The following C13orf46 variants were observed in gnomAD, a reference collection of about 807,000 sequenced individuals.
The protein encoded by C13orf46 is uncharacterized protein C13orf46.
the C13orf46 span, among the ~76,000 whole-genome samples, chr13:113,939,412 C>T: frequency 1.1e-4 from 16 of 151,216 alleles, no homozygotes; most frequent in East Asian, 1.9e-4. Flanking sequence ...ATGGGGAGGA[C>T]GCAGACCACC....
rs1013247004 is a variant in C13orf46 at position 113,962,219 on chromosome 13, C to T, written c.572+2708G>A. ...GAGATCGAGACCATCCTGGCTAACA[C>T]GGCGAAACCCTGGCTCTACTAAAAA... is the stretch of plus-strand genomic sequence containing the variant. On this transcript the variant is annotated intron_variant, in intron 6 of 6. Transcript: ENST00000636427. 2.3e-3 allele frequency among the ~76,000 whole-genome samples: 347 copies of T among 152,200 alleles called. 2 individuals are homozygous for T. Among genetic ancestry groups the T allele is most frequent in the African/African-American group, 7.6e-3 (315 of 41,532 alleles).
chr13:113,930,964 G>A, the C13orf46 span, among the ~76,000 whole-genome samples: 1 of 152,244 alleles, frequency 6.6e-6, no homozygotes, highest in African/African-American at 2.4e-5. Context: ...GGCCTCCACA[G>A]AAAGCCCGTG....
chr13:113,943,053 C>T, the C13orf46 span, among the ~76,000 whole-genome samples: 4 of 152,214 alleles, frequency 2.6e-5, no homozygotes, highest in Admixed American at 6.5e-5. Context: ...CACTGAGGCT[C>T]GGCTCCATTT....
chr13:113,942,816 G>A, the C13orf46 span, among the ~76,000 whole-genome samples: 1 of 152,224 alleles, frequency 6.6e-6, no homozygotes, highest in Non-Finnish European at 1.5e-5. Flanking sequence ...CCTTGAGGAT[G>A]GGACACAGGT....
chr13:113,954,239 C>T lies in C13orf46; in HGVS notation c.*2534G>A, dbSNP rs2052502722. 1 of 152,306 alleles carries T rather than the reference C, an allele frequency of 6.6e-6. No individual in the cohort carries two copies. The highest frequency in any genetic ancestry group is 2.1e-4 in the South Asian group (1 of 4,838). 9.4% of individuals were successfully genotyped at this position (152,306 alleles called of 1,614,324 possible). A position where few individuals can be genotyped will look rare whatever the true frequency, so the allele number is the denominator to read the frequency against. ...CACACAGCATCTCCGCCTGTGGCCT[C>T]TGACTGCCTTAGAGACACCCGGATC... is the stretch of plus-strand genomic sequence containing the variant. On this transcript the variant is annotated 3_prime_UTR_variant, in exon 7 of 7. Transcript: ENST00000636427.
the C13orf46 span, among the ~76,000 whole-genome samples, chr13:113,937,234 G>C: frequency 8.5e-5 from 13 of 152,122 alleles, no homozygotes; most frequent in Admixed American, 2.6e-4. Context: ...TGGCATCCCC[G>C]GTCCGAGGCT....
chr13:113,970,770 T>A (rs955860802), intron 1 of C13orf46, among the ~76,000 whole-genome samples: 2 of 152,182 alleles, frequency 1.3e-5, no homozygotes, highest in African/African-American at 2.4e-5. Context: ...GCAGTCTTTT[T>A]TCGGGACCAC....
the C13orf46 span, among the ~76,000 whole-genome samples, chr13:113,938,222 T>C: frequency 2.6e-5 from 4 of 152,216 alleles, no homozygotes; most frequent in African/African-American, 9.6e-5. Context: ...AAAAGTGCTT[T>C]TCTTTTCTCA....
At chr13:113,931,012 G>T in the C13orf46 span, among the ~76,000 whole-genome samples, 2 of 152,188 alleles carry the variant, frequency 1.3e-5, no homozygotes, top group Non-Finnish European at 2.9e-5. Context: ...ACTGAGGGTC[G>T]CTGGGTAGAT....
Position 113,956,810 on chromosome 13 carries a change from G to C in C13orf46, c.602C>G (p.Pro201Arg), listed in dbSNP as rs1264944335. Residue 201 changes from proline to arginine, a missense_variant, in exon 7 of 7, where the codon CCG becomes CGG. Physicochemically the swap from Pro to Arg is moderately radical, Grantham distance 103. Coordinates refer to ENST00000636427, the MANE Select transcript of C13orf46 (RefSeq NM_001365455.2). ...CTTTGCCCTCTTCCTGGTGGAGTAC[G>C]GGATGCAGCACACCCAGCTGGTCTG... ...EMQTSWVCCIPYSTRKRAKES... is the reference protein window; with the variant it reads ...EMQTSWVCCIRYSTRKRAKES... The C allele has an allele frequency of 1.3e-5, 2 of 152,302 alleles. No homozygotes were observed. Among genetic ancestry groups the C allele is most frequent in the African/African-American group, 4.8e-5 (2 of 41,424 alleles). 9.4% of individuals were successfully genotyped at this position (152,302 alleles called of 1,614,324 possible). A position where few individuals can be genotyped will look rare whatever the true frequency, so the allele number is the denominator to read the frequency against.
chr13:113,937,170 C>T, the C13orf46 span, among the ~76,000 whole-genome samples: 677 of 152,308 alleles, frequency 4.4e-3, 11 homozygotes, highest in East Asian at 0.048. Context: ...GGGTCTCTTT[C>T]ACTGCCATAA....
intron 6 of C13orf46, among the ~76,000 whole-genome samples, chr13:113,959,783 C>G (rs2052573128): frequency 6.6e-6 from 1 of 152,164 alleles, no homozygotes; most frequent in African/African-American, 2.4e-5. Flanking sequence ...CTCTTTTTAT[C>G]CTGAAGCAAA....
the C13orf46 span, among the ~76,000 whole-genome samples, chr13:113,937,181 T>C: frequency 6.6e-6 from 1 of 152,222 alleles, no homozygotes; most frequent in Non-Finnish European, 1.5e-5. Flanking sequence ...ACTGCCATAA[T>C]TTTTCCACTG....
chr13:113,952,680 G>T (rs1316391452), downstream of C13orf46, among the ~76,000 whole-genome samples: 2 of 152,212 alleles, frequency 1.3e-5, no homozygotes, highest in African/African-American at 4.8e-5. Context: ...AAGGCCAAGG[G>T]CAGCGTCCTT....
intron 6 of C13orf46, among the ~76,000 whole-genome samples, chr13:113,957,920 C>A (rs1324176645): frequency 6.2e-4 from 87 of 140,550 alleles, no homozygotes; most frequent in South Asian, 1.2e-3. Flanking sequence ...ACTGGGGTCT[C>A]CCCTGCACTC....
the C13orf46 span, among the ~76,000 whole-genome samples, chr13:113,942,090 T>C: frequency 6.6e-6 from 1 of 152,246 alleles, no homozygotes; most frequent in Non-Finnish European, 1.5e-5. Flanking sequence ...CAAAGGCCGA[T>C]CATGGTGGCA....
chr13:113,939,426 C>A, the C13orf46 span, among the ~76,000 whole-genome samples: 6 of 150,724 alleles, frequency 4.0e-5, no homozygotes, highest in African/African-American at 1.5e-4. Flanking sequence ...GACCACCCAA[C>A]GGGGAACACG....
downstream of C13orf46, among the ~76,000 whole-genome samples, chr13:113,952,310 C>T (rs1367137176): frequency 1.5e-5 from 2 of 136,834 alleles, no homozygotes; most frequent in African/African-American, 2.7e-5. Context: ...GCTGTGTGGC[C>T]ACCCCTCCGC....
chr13:113,973,574 C>G (rs1047068052), intron 1 of C13orf46, among the ~76,000 whole-genome samples: 7 of 152,190 alleles, frequency 4.6e-5, no homozygotes, highest in Non-Finnish European at 8.8e-5. Context: ...CCGACGTACC[C>G]CCTCACAGGT....
Sources: allele counts gnomAD v4.1 joint callset (sites outside exome capture counted in the v4.1 genomes callset), GRCh38; gene constraint gnomAD v4.1.1; transcripts MANE v1.5; gene names NCBI Gene and HGNC (gene_info 2026-07-23, HGNC 2026-07-21).